ADTRP: variants seen among roughly 807,000 people sequenced by gnomAD.
The protein encoded by ADTRP is androgen-dependent TFPI-regulating protein.
ADTRP carries 20 observed loss-of-function variants against 27.0 expected under a neutral mutation model. That is an observed-to-expected ratio of 0.74 (90% confidence interval 0.52 to 1.08). The LOEUF is 1.08. Ranked by LOEUF, ADTRP falls within the 50% of genes least tolerant of loss-of-function variation. The pLI, the probability that ADTRP is intolerant of heterozygous loss-of-function variation, is 0.00. For synonymous variants in ADTRP, 101 were observed against 105.2 expected (o/e 0.96, Z 0.25); for missense variants, 251 against 275.0 (o/e 0.91, Z 0.62).
intron 3 of ADTRP, chr6:11,738,603 G>C (rs1258229368): frequency 6.6e-6 from 1 of 152,194 alleles, no homozygotes; most frequent in Non-Finnish European, 1.5e-5. Context: ...CTACATTAAC[G>C]ATCATTTGGA....
At chr6:11,716,699 C>T (rs1405646529) in intron 5 of ADTRP, among the ~76,000 whole-genome samples, 3 of 113,834 alleles carry the variant, frequency 2.6e-5, no homozygotes, top group Non-Finnish European at 5.9e-5. Flanking sequence ...TCTGACCATG[C>T]TTTTTTTCTT....
At chr6:11,741,733 A>C (rs1346742429) in intron 3 of ADTRP, among the ~76,000 whole-genome samples, 2 of 144,324 alleles carry the variant, frequency 1.4e-5, no homozygotes, top group African/African-American at 2.6e-5. Flanking sequence ...AAAAAAAAAG[A>C]TATGGGATCT....
intron 4 of ADTRP, chr6:11,728,562 G>T (rs145117877): frequency 5.3e-5 from 8 of 152,322 alleles, no homozygotes; most frequent in African/African-American, 1.9e-4. Context: ...CTCTAGAAAA[G>T]ATTTCCTGAA....
intron 3 of ADTRP, among the ~76,000 whole-genome samples, chr6:11,765,688 T>C (rs1763550383): frequency 6.6e-6 from 1 of 151,990 alleles, no homozygotes. Flanking sequence ...CAGCCTTGCT[T>C]GTTTGGGTCC....
chr6:11,776,232 GC>G (rs1763952566), intron 1 of ADTRP, among the ~76,000 whole-genome samples: 1 of 152,136 alleles, frequency 6.6e-6, no homozygotes, highest in African/African-American at 2.4e-5. Flanking sequence ...ATCACCACAG[GC>G]AAGCCCCTCT....
At chr6:11,733,831 C>T (rs1025073371) in intron 4 of ADTRP, among the ~76,000 whole-genome samples, 1 of 152,160 alleles carries the variant, frequency 6.6e-6, no homozygotes, top group South Asian at 2.1e-4. Flanking sequence ...GACAAACCAA[C>T]CTCCTGGCCT....
chr6:11,738,535 CT>C (rs1227582534), intron 3 of ADTRP: 1 of 152,262 alleles, frequency 6.6e-6, no homozygotes, highest in Non-Finnish European at 1.5e-5. Context: ...GCCCATTATA[CT>C]GGCCATTGAT....
intron 3 of ADTRP, among the ~76,000 whole-genome samples, chr6:11,759,690 T>C (rs940961668): frequency 6.6e-6 from 1 of 152,108 alleles, no homozygotes; most frequent in African/African-American, 2.4e-5. Flanking sequence ...TATGTCCTAA[T>C]CCCTGGAACC....
chr6:11,717,440 G>A (rs1303628860), intron 5 of ADTRP: 2 of 1,302,964 alleles, frequency 1.5e-6, no homozygotes, highest in East Asian at 1.1e-4. Context: ...AGAAATTATT[G>A]TTTCAATCAA....
At chr6:11,726,050 A>G (rs1373661186) in intron 4 of ADTRP, among the ~76,000 whole-genome samples, 1 of 152,194 alleles carries the variant, frequency 6.6e-6, no homozygotes, top group African/African-American at 2.4e-5. Flanking sequence ...TGGCTTATAC[A>G]TAGGCATTAA....
intron 3 of ADTRP, chr6:11,736,448 C>T (rs543676878): frequency 1.3e-5 from 2 of 152,714 alleles, no homozygotes; most frequent in African/African-American, 4.8e-5. Context: ...TGTGCACACA[C>T]ATGCACATGC....
rs530716768 is a variant in ADTRP at position 11,727,136 on chromosome 6, C to G, written c.507-3636G>C. On this transcript the variant is annotated intron_variant, in intron 4 of 5. Transcript: ENST00000414691. The stretch of plus-strand genomic sequence containing the variant: ...TTCCTGGGTTCAGCGATTCTCCTGC[C>G]TCACCCTCCCGAGTAGCTGGGTTTA... Among the ~76,000 whole-genome samples the G allele has an allele frequency of 4.6e-5, 7 of 152,314 alleles. No individual in the cohort carries two copies. In the South Asian group the frequency reaches 1.2e-3, roughly 27 times the overall value.
intron 1 of ADTRP, chr6:11,770,081 T>G (rs984240005): frequency 6.4e-7 from 1 of 1,550,496 alleles, no homozygotes. Context: ...GTCCTGTTCT[T>G]GAGCTAGACT....
intron 3 of ADTRP, among the ~76,000 whole-genome samples, chr6:11,746,395 C>A (rs76734036): frequency 1.1e-4 from 17 of 152,146 alleles, no homozygotes; most frequent in African/African-American, 4.1e-4. Flanking sequence ...GCACTGTTGA[C>A]GTTTTAGAAT....
intron 3 of ADTRP, among the ~76,000 whole-genome samples, chr6:11,758,524 A>G (rs1006316775): frequency 2.3e-4 from 32 of 139,758 alleles, no homozygotes; most frequent in African/African-American, 7.9e-4. Context: ...GAACAATGAG[A>G]ACACATGGAC....
chr6:11,746,884 A>G (rs1200348375), intron 3 of ADTRP, among the ~76,000 whole-genome samples: 4 of 152,136 alleles, frequency 2.6e-5, no homozygotes, highest in Non-Finnish European at 5.9e-5. Context: ...CCTCCTGCTC[A>G]GCGGATTCTT....
At chr6:11,764,891 T>C (rs1763507233) in intron 3 of ADTRP, among the ~76,000 whole-genome samples, 1 of 108,794 alleles carries the variant, frequency 9.2e-6, no homozygotes, top group South Asian at 3.2e-4. Context: ...AAGTACCATT[T>C]CTTAAAAAAA....
At chr6:11,751,491 T>C (rs779393819) in intron 3 of ADTRP, among the ~76,000 whole-genome samples, 1 of 152,222 alleles carries the variant, frequency 6.6e-6, no homozygotes, top group African/African-American at 2.4e-5. Flanking sequence ...ATGGCTGACA[T>C]AGGTCACTAT....
chr6:11,768,456 C>T lies in ADTRP; in HGVS notation c.154-73G>A, dbSNP rs137863978. 2.5e-3 allele frequency: 3,954 copies of T among 1,574,692 alleles called. 8 individuals are homozygous for T. Among genetic ancestry groups the T allele is most frequent in the Non-Finnish European group, 3.1e-3 (3,617 of 1,153,452 alleles). Reference sequence around the variant, plus strand: ...TACCTTCTTCACTGATGGAAAACTCCATCCCTCTGAGAGTAATGTGGCTTT... The same window carrying T: ...TACCTTCTTCACTGATGGAAAACTCTATCCCTCTGAGAGTAATGTGGCTTT... On this transcript the variant is annotated intron_variant, in intron 1 of 5. Transcript: ENST00000414691.
Sources: gnomAD v4.1 joint callset for allele counts (sites outside exome capture counted in the v4.1 genomes callset) on GRCh38, gnomAD v4.1.1 for gene constraint, MANE v1.5 for transcripts, NCBI Gene and HGNC (gene_info 2026-07-23, HGNC 2026-07-21) for gene names.